Variants in OTOG observed in about 807,000 individuals in gnomAD.
OTOG encodes otogelin.
In OTOG, 296 loss-of-function variants were observed where a neutral mutation model predicts 313.8. The ratio of observed to expected loss-of-function variants is 0.94; its 90% CI spans 0.86 to 1.04. The LOEUF (loss-of-function observed/expected upper bound fraction) is 1.04. Among genes scored for constraint, OTOG ranks in the 50% least tolerant of loss-of-function variants. OTOG has a pLI of 0.00. For synonymous variants in OTOG, 1,533 were observed against 1,554.9 expected, an observed-to-expected ratio of 0.99 and a Z score of 0.33; for missense variants, 3,948 against 3,840.1, an observed-to-expected ratio of 1.03 and a Z score of -0.74.
Position 17,573,286 on chromosome 11 carries a change from C to G in OTOG, c.2289C>G (p.Ala763=), listed in dbSNP as rs1170407183. ...TTGATTTCCGCGCCCGCCTGCCAGC[C>G]TGTGGTGAGTGCCCCACCCATGTGA... is the stretch of plus-strand genomic sequence containing the variant. ...LPVDFRARLP[A]CALSCEASKE... Residue 763 remains alanine (A), a synonymous_variant, in exon 19 of 56, where the codon GCC becomes GCG. Transcript: ENST00000399397. The G allele has an allele frequency of 1.3e-6, 2 of 1,525,050 alleles. No homozygotes were observed. The highest frequency in any genetic ancestry group is 2.4e-5 in the South Asian group (2 of 82,958). 94.5% of individuals were successfully genotyped at this position (1,525,050 alleles called of 1,614,324 possible).
At chr11:17,587,283 G>A (rs1166069469) in intron 24 of OTOG, among the ~76,000 whole-genome samples, 1 of 152,228 alleles carries the variant, frequency 6.6e-6, no homozygotes, top group Admixed American at 6.5e-5. Context: ...GGTTAGTTCT[G>A]CAGGGCCTGT....
chr11:17,606,206 C>T (rs1313679251), intron 33 of OTOG, 71 bp downstream of exon 33: 3 of 1,442,514 alleles, frequency 2.1e-6, no homozygotes, highest in African/African-American at 2.8e-5. Context: ...ACCCTGTCCC[C>T]ACTTCACCCT....
intron 42 of OTOG, among the ~76,000 whole-genome samples, 165 bp from the exon 43 acceptor site, chr11:17,633,515 C>A (rs1265409650): frequency 6.6e-6 from 1 of 152,172 alleles, no homozygotes; most frequent in Non-Finnish European, 1.5e-5. Flanking sequence ...GAGTCCTGAT[C>A]TAAGGAAGGA....
intron 39 of OTOG, among the ~76,000 whole-genome samples, chr11:17,621,583 C>G (rs139417437): frequency 3.0e-4 from 46 of 152,138 alleles, no homozygotes; most frequent in Non-Finnish European, 5.9e-4. Context: ...GGGGATTCTG[C>G]AAAGCTTCAG....
Position 17,645,552 on chromosome 11 carries a change from C to T in OTOG, c.8462-12C>T, listed in dbSNP as rs769366815. 33 of 1,550,110 alleles carry T rather than the reference C, an allele frequency of 2.1e-5. No individual in the cohort carries two copies. In the South Asian group the frequency reaches 3.7e-4, roughly 17 times the overall value. Reference sequence around the variant, plus strand: ...TCTTGGCCACAGCTGCCTCATCCCCCTGTCCCCCCAGGTAAGGAGGATGGG... The same window carrying T: ...TCTTGGCCACAGCTGCCTCATCCCCTTGTCCCCCCAGGTAAGGAGGATGGG... On this transcript the variant is annotated splice_polypyrimidine_tract_variant and intron_variant, in intron 54 of 55. Transcript: ENST00000399397.
At chr11:17,574,600 C>G (rs1362178775) in intron 19 of OTOG, 120 bp from the exon 20 acceptor site, 3 of 1,035,110 alleles carry the variant, frequency 2.9e-6, no homozygotes, top group Non-Finnish European at 2.8e-6. Flanking sequence ...TGCTGTGTGA[C>G]CTCAGACAAA....
intron 33 of OTOG, among the ~76,000 whole-genome samples, chr11:17,607,079 G>T (rs1186409816): frequency 6.6e-6 from 1 of 152,224 alleles, no homozygotes; most frequent in East Asian, 1.9e-4. Flanking sequence ...TCATCTCCTT[G>T]ACTTGGTTTC....
chr11:17,611,834 GTT>G (rs1379140433), intron 36 of OTOG, among the ~76,000 whole-genome samples: 2 of 146,368 alleles, frequency 1.4e-5, no homozygotes, highest in African/African-American at 5.1e-5. Flanking sequence ...GTGTGTGTGT[GTT>G]TGTGTGTATA....
rs889467752 is a variant in OTOG at position 17,636,253 on chromosome 11, T to C, written c.7795+542T>C. Among the ~76,000 whole-genome samples, 7 of 152,242 alleles carry C rather than the reference T, an allele frequency of 4.6e-5. No homozygotes were observed. The East Asian group carries it at 1.3e-3, about 29-fold the overall frequency. On this transcript the variant is annotated intron_variant, in intron 47 of 55. Transcript: ENST00000399397. The stretch of plus-strand genomic sequence containing the variant: ...AGACATGTATAGTATGTGCATATCA[T>C]GTACTGTGTTCATAGTACCTTGATA...
intron 42 of OTOG, 44 bp downstream of exon 42, chr11:17,632,270 C>A: frequency 6.6e-7 from 1 of 1,519,270 alleles, no homozygotes; most frequent in South Asian, 1.2e-5. Context: ...GACTATTGTT[C>A]CCATCCCCTG....
chr11:17,589,733 C>G (rs543760987), intron 24 of OTOG, among the ~76,000 whole-genome samples: 1 of 152,320 alleles, frequency 6.6e-6, no homozygotes, highest in Admixed American at 6.5e-5. Flanking sequence ...TTCTCCCGTT[C>G]CCCTTTAAGC....
chr11:17,548,104 A>G lies in OTOG; in HGVS notation c.156-48A>G, dbSNP rs757263624. 22 of 1,526,682 alleles carry G rather than the reference A, an allele frequency of 1.4e-5. No individual in the cohort carries two copies. The South Asian group carries it at 2.4e-4, about 17-fold the overall frequency. 94.6% of individuals were successfully genotyped at this position (1,526,682 alleles called of 1,614,324 possible). A position where few individuals can be genotyped will look rare whatever the true frequency, so the allele number is the denominator to read the frequency against. ...ATAGGCCAGGGGACTGCGGGGAGGC[A>G]TAACCCATCCTAGCCCCCCATCCAT... On this transcript the variant is annotated intron_variant, in intron 2 of 55. Transcript: ENST00000399397.
chr11:17,600,900 T>A (rs569100123), intron 31 of OTOG, among the ~76,000 whole-genome samples: 2 of 152,354 alleles, frequency 1.3e-5, no homozygotes, highest in South Asian at 4.1e-4. Flanking sequence ...TACTAGCATT[T>A]GCTCTGGTCC....
At chr11:17,634,373 C>T in intron 44 of OTOG, 92 bp downstream of exon 44, 1 of 1,367,758 alleles carries the variant, frequency 7.3e-7, no homozygotes, top group Non-Finnish European at 1.0e-6. Flanking sequence ...TAGGACAAGG[C>T]CTAGGAAAAG....
At chr11:17,585,381 G>A (rs1163288563) in intron 23 of OTOG, among the ~76,000 whole-genome samples, 2 of 152,142 alleles carry the variant, frequency 1.3e-5, no homozygotes, top group African/African-American at 4.8e-5. Flanking sequence ...TTGGTAATTT[G>A]AGTATTCCTG....
chr11:17,613,225 TTCTTTCTTTCTTTCTTTCTTTC>T (rs1565118901), intron 38 of OTOG, among the ~76,000 whole-genome samples: 23 of 135,186 alleles, frequency 1.7e-4, no homozygotes, highest in Middle Eastern at 3.5e-3. Context: ...CTTTCTTTCT[TTCTTTCTTTCTTTCTTTCTTTC>T]TTTCTTTCTT....
At position 17,632,210 on chromosome 11, in the gene OTOG, G is replaced by A. The variant is rs1854147115; in HGVS notation, c.7056G>A (p.Arg2352=). The change falls in exon 42 of 56, where the codon CGG becomes CGA. Residue 2352 remains arginine, a synonymous_variant. Transcript: ENST00000399397. ...AATTTCATGTGTGCATCGAGTGGCG[G>A]CGCTCTGACTACTGCCGTGAGTTTG... ...CHKFHVCIEW[R]RSDYCPFLCS... is the part of the protein sequence containing the mutation. 2 of 1,550,742 alleles carry A rather than the reference G, an allele frequency of 1.3e-6. No homozygotes were observed. The highest frequency in any genetic ancestry group is 2.4e-5 in the East Asian group (1 of 40,914).
intron 53 of OTOG, 142 bp downstream of exon 53, chr11:17,642,388 T>C (rs909103611): frequency 3.4e-6 from 4 of 1,173,562 alleles, no homozygotes; most frequent in Middle Eastern, 2.3e-4. Flanking sequence ...CAAATCCATA[T>C]GTCTCTCTGC....
At chr11:17,593,587 A>C (rs1228377674) in intron 26 of OTOG, 23 bp from the exon 27 acceptor site, 1 of 1,548,030 alleles carries the variant, frequency 6.5e-7, no homozygotes, top group Admixed American at 2.0e-5. Context: ...TGGGCTCAGG[A>C]CTGACCATCT....
Sources: gnomAD v4.1 joint callset for allele counts (sites outside exome capture counted in the v4.1 genomes callset) on GRCh38, gnomAD v4.1.1 for gene constraint, MANE v1.5 for transcripts, NCBI Gene and HGNC (gene_info 2026-07-23, HGNC 2026-07-21) for gene names.